The following DYTN variants were observed in gnomAD, a reference collection of about 807,000 sequenced individuals.
DYTN encodes dystrotelin.
In DYTN, 75 loss-of-function variants were observed where a neutral mutation model predicts 69.6. The ratio of observed to expected loss-of-function variants is 1.08; its 90% CI spans 0.89 to 1.31. DYTN has a LOEUF of 1.31. Among genes scored for constraint, DYTN ranks in the 50% most tolerant of loss-of-function variants. The pLI is 0.00. For missense variants in DYTN, 726 were observed against 688.4 expected (o/e 1.05, Z -0.61); for synonymous variants, 252 against 249.1 (o/e 1.01, Z -0.11).
At chr2:206,655,352 T>C (rs924486751) in intron 11 of DYTN, among the ~76,000 whole-genome samples, 1 of 151,848 alleles carries the variant, frequency 6.6e-6, no homozygotes, top group Non-Finnish European at 1.5e-5. Context: ...CTCAAATGAT[T>C]CTCTTGTCTC....
chr2:206,705,146 G>GA (rs1700012924), intron 4 of DYTN: 6 of 557,244 alleles, frequency 1.1e-5, no homozygotes. Context: ...CCCCAGGTTA[G>GA]AGTGCAATGG....
chr2:206,681,556 C>A (rs1269255007), intron 9 of DYTN, among the ~76,000 whole-genome samples: 1 of 152,022 alleles, frequency 6.6e-6, no homozygotes, highest in African/African-American at 2.4e-5. Context: ...CCATCAATAC[C>A]TAGTTTATCG....
At chr2:206,705,489 A>T (rs1037436900) in intron 4 of DYTN, among the ~76,000 whole-genome samples, 4 of 152,242 alleles carry the variant, frequency 2.6e-5, no homozygotes, top group Non-Finnish European at 5.9e-5. Context: ...TAGGAAGAAG[A>T]TCATGAGGTT....
At chr2:206,678,089 T>C (rs1259739910) in intron 9 of DYTN, among the ~76,000 whole-genome samples, 2 of 152,128 alleles carry the variant, frequency 1.3e-5, no homozygotes, top group African/African-American at 4.8e-5. Context: ...AAGAAAGATT[T>C]CCCTAGTCAA....
chr2:206,681,306 A>G (rs543622204), intron 9 of DYTN, among the ~76,000 whole-genome samples: 5 of 152,314 alleles, frequency 3.3e-5, no homozygotes, highest in Admixed American at 1.3e-4. Context: ...ATAAAGAATC[A>G]TGTCATCTGC....
intron 9 of DYTN, among the ~76,000 whole-genome samples, chr2:206,670,797 C>T (rs1376426773): frequency 7.2e-5 from 11 of 152,098 alleles, no homozygotes; most frequent in African/African-American, 7.2e-5. Context: ...TTAGAAATAA[C>T]GTCACAATAG....
At chr2:206,716,088 A>T (rs1295264996) in intron 1 of DYTN, among the ~76,000 whole-genome samples, 2 of 152,284 alleles carry the variant, frequency 1.3e-5, no homozygotes, top group South Asian at 4.1e-4. Flanking sequence ...CTCCATCTCA[A>T]AAAACAAACA....
chr2:206,664,172 G>A (rs1490936971), intron 10 of DYTN, among the ~76,000 whole-genome samples: 1 of 152,138 alleles, frequency 6.6e-6, no homozygotes, highest in African/African-American at 2.4e-5. Flanking sequence ...AATATTATGT[G>A]TGATGAAGTG....
chr2:206,696,125 G>A (rs1699917725), intron 7 of DYTN, among the ~76,000 whole-genome samples: 1 of 152,194 alleles, frequency 6.6e-6, no homozygotes, highest in Admixed American at 6.5e-5. Context: ...CCTATGGGCT[G>A]GTGTGGTCTG....
At chr2:206,717,485 A>G (rs1340173190) in intron 1 of DYTN, among the ~76,000 whole-genome samples, 1 of 152,202 alleles carries the variant, frequency 6.6e-6, no homozygotes, top group Admixed American at 6.5e-5. Context: ...CTTTCAGGTG[A>G]TTCTGATGCA....
At chr2:206,683,507 C>T (rs1699773855) in intron 9 of DYTN, among the ~76,000 whole-genome samples, 2 of 151,834 alleles carry the variant, frequency 1.3e-5, no homozygotes, top group Non-Finnish European at 2.9e-5. Flanking sequence ...CCATGCCTGG[C>T]TAATTTTTGT....
At chr2:206,704,121 AT>A (rs984583037) in intron 5 of DYTN, among the ~76,000 whole-genome samples, 33 of 152,180 alleles carry the variant, frequency 2.2e-4, no homozygotes, top group African/African-American at 8.0e-4. Context: ...TTCTTTAAGC[AT>A]TTTTTTGATG....
In DYTN at chr2:206,665,952, C is replaced by T. The variant is rs1476740060; in HGVS notation, c.1058G>A (p.Arg353Gln). 5.0e-6 allele frequency: 8 copies of T among 1,613,726 alleles called. No individual in the cohort carries two copies. The highest frequency in any genetic ancestry group is 3.3e-5 in the South Asian group (3 of 91,086). The part of the protein sequence containing the change: ...IYTSQEERIC[R>Q]FETRIHKLKT... ...GAGTTTGTGAATCCTTGTTTCAAATCGACAAATTCTTTCTTCCTGGGAGGT... is the reference window on the plus strand; with the variant it reads ...GAGTTTGTGAATCCTTGTTTCAAATTGACAAATTCTTTCTTCCTGGGAGGT... Residue 353 changes from arginine to glutamine, a missense_variant, in exon 10 of 12, where the codon CGA becomes CAA. Arg to Gln is a conservative substitution (Grantham distance 43). Coordinates refer to ENST00000452335, the MANE Select transcript of DYTN (RefSeq NM_001093730.1).
chr2:206,663,495 G>A, intron 10 of DYTN, 100 bp from the exon 11 acceptor site: 3 of 1,285,758 alleles, frequency 2.3e-6, no homozygotes, highest in East Asian at 2.6e-5. Flanking sequence ...TCTAATGCAA[G>A]ACTTTTCTTT....
At chr2:206,667,605 A>G (rs1440915271) in intron 9 of DYTN, among the ~76,000 whole-genome samples, 1 of 151,882 alleles carries the variant, frequency 6.6e-6, no homozygotes, top group East Asian at 1.9e-4. Flanking sequence ...GTGACAGACT[A>G]TGGGCTTTGC....
At chr2:206,696,711 C>T (rs1484431201) in intron 7 of DYTN, among the ~76,000 whole-genome samples, 1 of 152,150 alleles carries the variant, frequency 6.6e-6, no homozygotes, top group Non-Finnish European at 1.5e-5. Context: ...AACTGATGGC[C>T]TGCCATTTTA....
intron 9 of DYTN, chr2:206,686,705 A>G (rs1188511275): frequency 2.0e-5 from 3 of 152,432 alleles, no homozygotes; most frequent in Non-Finnish European, 4.4e-5. Flanking sequence ...GAATATAAGG[A>G]AACTCTGTGG....
intron 4 of DYTN, 71 bp from the exon 5 acceptor site, chr2:206,705,014 A>G (rs1700012039): frequency 8.2e-7 from 1 of 1,218,856 alleles, no homozygotes; most frequent in Non-Finnish European, 1.2e-6. Context: ...CTTGCTTTGA[A>G]GTAACAGTCT....
At chr2:206,656,589 ATAT>A (rs925278227) in intron 11 of DYTN, among the ~76,000 whole-genome samples, 19 of 152,128 alleles carry the variant, frequency 1.2e-4, no homozygotes, top group African/African-American at 4.3e-4. Context: ...TTTTAAAAAA[ATAT>A]TATTTCGTTT....
Sources: allele counts gnomAD v4.1 joint callset (sites outside exome capture counted in the v4.1 genomes callset), GRCh38; gene constraint gnomAD v4.1.1; transcripts MANE v1.5; gene names NCBI Gene and HGNC (gene_info 2026-07-23, HGNC 2026-07-21).